ABTB2: variants seen among roughly 807,000 people sequenced by gnomAD.
ABTB2 encodes ankyrin repeat and BTB/POZ domain-containing protein 2.
In ABTB2, 56 loss-of-function variants were observed where a neutral mutation model predicts 104.1. The ratio of observed to expected loss-of-function variants is 0.54; its 90% confidence interval spans 0.43 to 0.67. ABTB2 has a LOEUF of 0.67. ABTB2 is among the 30% of genes least tolerant of loss of function. The pLI is 0.00. For synonymous variants in ABTB2, 606 were observed against 608.2 expected (o/e 1.00, Z 0.05); for missense variants, 1,279 against 1,407.7 (o/e 0.91, Z 1.46).
intron 2 of ABTB2, among the ~76,000 whole-genome samples, chr11:34,203,793 G>A (rs987662860): frequency 2.6e-5 from 4 of 152,192 alleles, no homozygotes; most frequent in Non-Finnish European, 5.9e-5. Context: ...GGAGAAGGCC[G>A]GAGCAGAGGG....
chr11:34,199,433 T>C (rs1302519604), intron 2 of ABTB2, among the ~76,000 whole-genome samples: 1 of 152,224 alleles, frequency 6.6e-6, no homozygotes, highest in Non-Finnish European at 1.5e-5. Context: ...ACACCTGGTT[T>C]CCATCCCTGT....
At chr11:34,231,461 G>T (rs1480537809) in intron 1 of ABTB2, among the ~76,000 whole-genome samples, 2 of 152,226 alleles carry the variant, frequency 1.3e-5, no homozygotes, top group Non-Finnish European at 2.9e-5. Flanking sequence ...GGCCTGAGGG[G>T]CGGGAGTGGG....
At chr11:34,278,763 T>C (rs1162651557) in intron 1 of ABTB2, among the ~76,000 whole-genome samples, 2 of 152,192 alleles carry the variant, frequency 1.3e-5, no homozygotes, top group Non-Finnish European at 2.9e-5. Flanking sequence ...AGTGGGCATT[T>C]CACTGGCGCC....
chr11:34,225,551 T>A (rs796581920), intron 1 of ABTB2, among the ~76,000 whole-genome samples: 4 of 150,954 alleles, frequency 2.6e-5, no homozygotes, highest in African/African-American at 9.7e-5. Context: ...AGGTCAGGAG[T>A]TCGAGATCAG....
At position 34,270,958 on chromosome 11, in the gene ABTB2, T is replaced by C. The variant is rs115103627; in HGVS notation, c.884-66268A>G. The stretch of plus-strand genomic sequence containing the variant: ...TAGGCAGCTGATACCTTGTACTACA[T>C]ACCTAAAGTTGATTCTCTTTCCTGA... On this transcript the variant is annotated intron_variant, in intron 1 of 16. Coordinates refer to ENST00000435224, the MANE Select transcript of ABTB2 (RefSeq NM_145804.3). Among the ~76,000 whole-genome samples, 1,010 of 152,302 alleles carry C rather than the reference T, an allele frequency of 6.6e-3. 9 individuals are homozygous for C. The highest frequency in any genetic ancestry group is 0.023 in the African/African-American group (975 of 41,556).
intron 1 of ABTB2, among the ~76,000 whole-genome samples, chr11:34,219,912 G>A (rs951726688): frequency 1.3e-5 from 2 of 152,216 alleles, no homozygotes; most frequent in Admixed American, 1.3e-4. Flanking sequence ...CTTTTGCTAT[G>A]TGCTGTTATC....
chr11:34,352,307 AT>A (rs1310120875), intron 1 of ABTB2, among the ~76,000 whole-genome samples: 1 of 152,226 alleles, frequency 6.6e-6, no homozygotes, highest in Non-Finnish European at 1.5e-5. Flanking sequence ...CCTTAGTAGT[AT>A]TGATATTACT....
At chr11:34,322,684 G>A (rs1855019786) in intron 1 of ABTB2, among the ~76,000 whole-genome samples, 1 of 152,154 alleles carries the variant, frequency 6.6e-6, no homozygotes, top group South Asian at 2.1e-4. Flanking sequence ...ACATTAGGAT[G>A]TAAGGAAACG....
At chr11:34,249,421 C>T (rs955234317) in intron 1 of ABTB2, among the ~76,000 whole-genome samples, 11 of 152,170 alleles carry the variant, frequency 7.2e-5, no homozygotes, top group Non-Finnish European at 1.3e-4. Context: ...AAGCAACAGC[C>T]GTAAAGTAGC....
chr11:34,352,736 T>C (rs1021984852), intron 1 of ABTB2, among the ~76,000 whole-genome samples: 1 of 152,220 alleles, frequency 6.6e-6, no homozygotes, highest in South Asian at 2.1e-4. Flanking sequence ...TTAAGAAAAT[T>C]GCACCAGGCC....
intron 1 of ABTB2, among the ~76,000 whole-genome samples, chr11:34,349,664 G>A (rs1333901364): frequency 6.6e-6 from 1 of 152,152 alleles, no homozygotes; most frequent in Non-Finnish European, 1.5e-5. Flanking sequence ...ACTATTTTCA[G>A]TCCTATCTTA....
intron 2 of ABTB2, among the ~76,000 whole-genome samples, chr11:34,203,682 A>G (rs1264821879): frequency 6.6e-6 from 1 of 152,190 alleles, no homozygotes; most frequent in East Asian, 1.9e-4. Context: ...CTGTCTGTAG[A>G]GGGGGCAGAA....
chr11:34,197,088 AC>A (rs1853267036), intron 3 of ABTB2, among the ~76,000 whole-genome samples: 2 of 152,182 alleles, frequency 1.3e-5, no homozygotes, highest in Non-Finnish European at 2.9e-5. Context: ...GCAGAAGCAC[AC>A]GTTCTGAGCC....
At chr11:34,287,697 C>CTAGG (rs1409130332) in intron 1 of ABTB2, among the ~76,000 whole-genome samples, 6 of 152,326 alleles carry the variant, frequency 3.9e-5, no homozygotes, top group Admixed American at 1.3e-4. Context: ...TCCGCACAAG[C>CTAGG]TAGGGCTTCC....
At chr11:34,264,827 C>T (rs931264605) in intron 1 of ABTB2, among the ~76,000 whole-genome samples, 1 of 152,206 alleles carries the variant, frequency 6.6e-6, no homozygotes, top group African/African-American at 2.4e-5. Context: ...CCAGACCCCT[C>T]CTCATCCCGA....
At chr11:34,270,851 G>GT (rs375257048) in intron 1 of ABTB2, among the ~76,000 whole-genome samples, 2 of 152,148 alleles carry the variant, frequency 1.3e-5, no homozygotes, top group South Asian at 2.1e-4. Context: ...GGTTTTCTTC[G>GT]TTTTTTTAAA....
intron 1 of ABTB2, among the ~76,000 whole-genome samples, chr11:34,352,825 G>T (rs565494775): frequency 6.6e-6 from 1 of 152,362 alleles, no homozygotes; most frequent in Admixed American, 6.5e-5. Context: ...GGAGGCTGAA[G>T]CGGGAGAATC....
At chr11:34,158,277 G>A (rs1308553963) in intron 14 of ABTB2, among the ~76,000 whole-genome samples, 1 of 152,200 alleles carries the variant, frequency 6.6e-6, no homozygotes, top group African/African-American at 2.4e-5. Context: ...GCTGGGTGTG[G>A]TGGCGGGCGC....
At chr11:34,297,278 T>C (rs1256982324) in intron 1 of ABTB2, among the ~76,000 whole-genome samples, 2 of 152,192 alleles carry the variant, frequency 1.3e-5, no homozygotes, top group Non-Finnish European at 2.9e-5. Flanking sequence ...TTGCTCTCTC[T>C]CTCTCCAGTC....
Sources: allele counts gnomAD v4.1 joint callset (sites outside exome capture counted in the v4.1 genomes callset), GRCh38; gene constraint gnomAD v4.1.1; transcripts MANE v1.5; gene names NCBI Gene and HGNC (gene_info 2026-07-23, HGNC 2026-07-21).